Variants in PCDHA6 observed in about 807,000 individuals in gnomAD.
The protein encoded by PCDHA6 is protocadherin alpha 6.
A neutral mutation model predicts 60.3 loss-of-function variants in PCDHA6; 55 were observed. The ratio of observed to expected loss-of-function variants is 0.91; its 90% CI spans 0.73 to 1.14. The LOEUF (loss-of-function observed/expected upper bound fraction) is 1.14, where lower values mean the gene tolerates loss of function less well. Ranked by LOEUF, PCDHA6 falls within the 50% of genes most tolerant of loss-of-function variation. PCDHA6 has a pLI of 0.00. For missense variants in PCDHA6, 1,327 were observed against 1,256.5 expected, an observed-to-expected ratio of 1.06 and a Z score of -0.85; for synonymous variants, 652 against 557.9, an observed-to-expected ratio of 1.17 and a Z score of -2.38.
At chr5:140,950,549 G>A (rs1023288540) in intron 1 of PCDHA6, among the ~76,000 whole-genome samples, 1 of 151,948 alleles carries the variant, frequency 6.6e-6, no homozygotes, top group African/African-American at 2.4e-5. Context: ...TGCATGGCTG[G>A]GGGGACACTT....
intron 1 of PCDHA6, chr5:140,850,825 C>T (rs2150499781): frequency 5.0e-6 from 8 of 1,598,102 alleles, no homozygotes; most frequent in African/African-American, 2.7e-5. Context: ...CCGGGCCTTT[C>T]TCCTTGTGCT....
At chr5:140,868,988 C>T in intron 1 of PCDHA6, 1 of 1,506,234 alleles carries the variant, frequency 6.6e-7, no homozygotes, top group Non-Finnish European at 8.9e-7. Context: ...CCGGATGCCA[C>T]CGTTTAAGGA....
chr5:141,006,368 C>T (rs1395158727), intron 3 of PCDHA6, among the ~76,000 whole-genome samples: 2 of 152,072 alleles, frequency 1.3e-5, no homozygotes, highest in Non-Finnish European at 2.9e-5. Context: ...CCCACCACCA[C>T]GCCCGGCTAA....
At chr5:140,929,414 A>T (rs1174756115) in intron 1 of PCDHA6, 15 of 1,504,422 alleles carry the variant, frequency 1.0e-5, no homozygotes, top group Non-Finnish European at 1.3e-5. Context: ...GCCTTTCACA[A>T]CATTTCATCA....
intron 1 of PCDHA6, among the ~76,000 whole-genome samples, chr5:140,881,750 C>T (rs1161973911): frequency 6.6e-6 from 1 of 152,092 alleles, no homozygotes; most frequent in Non-Finnish European, 1.5e-5. Flanking sequence ...AGGACAGTAC[C>T]ACAAAAACCT....
At chr5:140,894,554 G>GA (rs1204407145) in intron 1 of PCDHA6, among the ~76,000 whole-genome samples, 2 of 151,600 alleles carry the variant, frequency 1.3e-5, no homozygotes, top group Non-Finnish European at 2.9e-5. Flanking sequence ...GTTTACTTCT[G>GA]AAAAAATTAT....
chr5:140,836,237 G>C (rs2150256194), intron 1 of PCDHA6: 6 of 1,613,720 alleles, frequency 3.7e-6, no homozygotes, highest in Non-Finnish European at 5.1e-6. Flanking sequence ...CGGCCGGTGC[G>C]AGCATCCCGT....
chr5:140,869,030 T>C (rs1049032233), intron 1 of PCDHA6: 5 of 1,526,396 alleles, frequency 3.3e-6, no homozygotes, highest in Non-Finnish European at 4.4e-6. Flanking sequence ...TTCAACGAGA[T>C]TTTTAACCTG....
intron 3 of PCDHA6, among the ~76,000 whole-genome samples, chr5:140,983,419 A>G (rs1209385386): frequency 5.3e-5 from 8 of 152,210 alleles, no homozygotes; most frequent in Non-Finnish European, 1.2e-4. Flanking sequence ...GTGTTGGTAG[A>G]GACCACAAAT....
chr5:140,989,563 C>A (rs1399360475), intron 3 of PCDHA6, among the ~76,000 whole-genome samples: 1 of 152,118 alleles, frequency 6.6e-6, no homozygotes, highest in Non-Finnish European at 1.5e-5. Flanking sequence ...TTTTGTGGCT[C>A]CGGCAAGCCC....
At chr5:140,909,598 T>A (rs934160611) in intron 1 of PCDHA6, among the ~76,000 whole-genome samples, 1 of 152,198 alleles carries the variant, frequency 6.6e-6, no homozygotes, top group Non-Finnish European at 1.5e-5. Flanking sequence ...ATTTACTATT[T>A]TTCTAGGTAG....
At chr5:140,865,006 T>C (rs1171249709) in intron 1 of PCDHA6, 2 of 152,174 alleles carry the variant, frequency 1.3e-5, no homozygotes, top group Non-Finnish European at 2.9e-5. Context: ...GAGACCAGCC[T>C]CGGCAACATA....
chr5:140,968,782 C>G, intron 1 of PCDHA6: 1 of 1,614,192 alleles, frequency 6.2e-7, no homozygotes, highest in South Asian at 1.1e-5. Flanking sequence ...CACTATCAGC[C>G]TCTGTGGCCA....
intron 1 of PCDHA6, among the ~76,000 whole-genome samples, chr5:140,913,644 A>T (rs889499847): frequency 3.9e-5 from 6 of 151,920 alleles, no homozygotes; most frequent in Non-Finnish European, 8.8e-5. Flanking sequence ...CTGCTTTTCT[A>T]GTTCTTTAAG....
At chr5:141,007,804 A>G (rs966389410) in intron 3 of PCDHA6, among the ~76,000 whole-genome samples, 1 of 152,204 alleles carries the variant, frequency 6.6e-6, no homozygotes, top group Non-Finnish European at 1.5e-5. Context: ...TTTATCTGCC[A>G]TTCATTTGCC....
chr5:140,832,466 T>TA (rs1319318585), intron 1 of PCDHA6, among the ~76,000 whole-genome samples: 6 of 152,186 alleles, frequency 3.9e-5, no homozygotes, highest in South Asian at 2.1e-4. Context: ...CACTAAAATT[T>TA]AAAAAAACTA....
chr5:140,941,214 C>CTTTCT (rs1554214039), intron 1 of PCDHA6, among the ~76,000 whole-genome samples: 174 of 122,492 alleles, frequency 1.4e-3, no homozygotes, highest in African/African-American at 5.3e-3. Flanking sequence ...TTTCTTTCTT[C>CTTTCT]CTTTCTTTCT....
Position 140,843,785 on chromosome 5 carries a change from A to G in PCDHA6, c.2394+13300A>G. 2 of 1,419,854 alleles carry G rather than the reference A, an allele frequency of 1.4e-6. 1 individual carries two copies. Among genetic ancestry groups the G allele is most frequent in the South Asian group, 2.6e-5 (2 of 76,630 alleles). The allele number at this position is 1,419,854 out of a possible 1,614,324, so 88.0% of individuals were successfully genotyped here. ...ATTGTAGTTACTTTAAAAGTGTTTCAGATTTAGTTTTTCACCGTATTTTAT... is the reference window on the plus strand; with the variant it reads ...ATTGTAGTTACTTTAAAAGTGTTTCGGATTTAGTTTTTCACCGTATTTTAT... On this transcript the variant is annotated intron_variant, in intron 1 of 3. Coordinates refer to ENST00000529310, the MANE Select transcript of PCDHA6 (RefSeq NM_018909.4).
rs543804071 is a variant in PCDHA6, at chr5:140,951,447, C to T, written c.2395-27502C>T. Among the ~76,000 whole-genome samples the T allele has an allele frequency of 2.2e-4, 34 of 152,004 alleles. No homozygotes were observed. In the South Asian group the frequency reaches 5.8e-3, roughly 26 times the overall value. On this transcript the variant is annotated intron_variant, in intron 1 of 3. Coordinates refer to ENST00000529310, the MANE Select transcript of PCDHA6 (RefSeq NM_018909.4). ...CCACAGGCTGTAGGAAGCATGATGC[C>T]GGCCATCTGCTTGGCTTCTGGGGAG...
Sources: allele counts gnomAD v4.1 joint callset (sites outside exome capture counted in the v4.1 genomes callset), GRCh38; gene constraint gnomAD v4.1.1; transcripts MANE v1.5; gene names NCBI Gene and HGNC (gene_info 2026-07-23, HGNC 2026-07-21).